MYL7: variants seen among roughly 807,000 people sequenced by gnomAD.
MYL7 encodes the protein myosin regulatory light chain 2, atrial isoform.
A neutral mutation model predicts 22.5 loss-of-function variants in MYL7; 27 were observed. That is an observed-to-expected ratio of 1.20 (90% CI 0.89 to 1.66). MYL7 has a LOEUF of 1.66. Ranked by LOEUF, MYL7 falls within the 40% of genes most tolerant of loss-of-function variation. The pLI is 0.00. For synonymous variants in MYL7, 81 were observed against 84.4 expected (o/e 0.96, Z 0.22); for missense variants, 209 against 226.8 (o/e 0.92, Z 0.50).
At chr7:44,139,731 C>A in intron 5 of MYL7, 51 bp downstream of exon 5, 1 of 1,604,978 alleles carries the variant, frequency 6.2e-7, no homozygotes, top group Non-Finnish European at 8.5e-7. Flanking sequence ...GGCCTCACCC[C>A]GCTCTCTGCT....
At position 44,139,808 on chromosome 7, in the gene MYL7, G is replaced by A. The variant is rs144625240; in HGVS notation, c.351C>T (p.Ser117=). Residue 117 remains serine (S), a synonymous_variant, in exon 5 of 7, where the codon AGC becomes AGT. Coordinates refer to ENST00000223364, the MANE Select transcript of MYL7 (RefSeq NM_021223.3). The part of the protein sequence containing the change: ...ILSAFRMFDP[S]GKGVVNKDEF... ...CATCCTTGTTCACCACCCCTTTGCC[G>A]CTGGGGTCAAACATGCGGAAGGCAC... The A allele has an allele frequency of 3.0e-5, 49 of 1,612,168 alleles. No homozygotes were observed. Among genetic ancestry groups the A allele is most frequent in the Non-Finnish European group, 3.6e-5 (43 of 1,179,618 alleles).
chr7:44,140,496 C>T, intron 3 of MYL7, 69 bp from the exon 4 acceptor site: 2 of 1,407,338 alleles, frequency 1.4e-6, no homozygotes, highest in Non-Finnish European at 2.0e-6. Context: ...AGGCCGCCCT[C>T]CCTCCATCCT....
chr7:44,139,104 C>CT (rs2096262071), intron 6 of MYL7, 82 bp from the exon 7 acceptor site: 1 of 1,034,322 alleles, frequency 9.7e-7, no homozygotes, highest in Non-Finnish European at 1.5e-6. Context: ...TGTGGCCTTT[C>CT]TGTCTGCCCC....
rs759279557 is a variant in MYL7 at position 44,138,916 on chromosome 7, G to GC, written c.*4dup. 4.3e-6 allele frequency: 7 copies of GC among 1,612,344 alleles called. No homozygotes were observed. The highest frequency in any genetic ancestry group is 5.9e-6 in the Non-Finnish European group (7 of 1,178,500). Reference sequence around the variant, plus strand: ...GGTGCCCCCCCGTGGGCCTGGCCCTGCCCCTCATTCCTCTTTCTCGTCTCC... The same window carrying GC: ...GGTGCCCCCCCGTGGGCCTGGCCCTGCCCCCTCATTCCTCTTTCTCGTCTCC... On this transcript the variant is annotated 3_prime_UTR_variant, in exon 7 of 7. Coordinates refer to ENST00000223364, the MANE Select transcript of MYL7 (RefSeq NM_021223.3).
chr7:44,140,810 T>C (rs757736790), intron 2 of MYL7, 23 bp from the exon 3 acceptor site: 2 of 1,583,352 alleles, frequency 1.3e-6, no homozygotes, highest in South Asian at 1.1e-5. Context: ...GGCCTTCAGG[T>C]GGGAGCAGCC....
At position 44,139,850 on chromosome 7, in the gene MYL7, G is replaced by C. The variant is rs762580390; in HGVS notation, c.309C>G (p.Pro103=). The C allele has an allele frequency of 6.2e-7, 1 of 1,608,614 alleles. No individual in the cohort carries two copies. The highest frequency in any genetic ancestry group is 1.3e-5 in the African/African-American group (1 of 74,568). ...LFGEKLNGTD[P]EEAILSAFRM... Reference sequence around the variant, plus strand: ...GGAAGGCACTCAGGATGGCTTCCTCGGGGTCTGTCCCTGGAAGGCCGAGGC... The same window carrying C: ...GGAAGGCACTCAGGATGGCTTCCTCCGGGTCTGTCCCTGGAAGGCCGAGGC... The change falls in exon 5 of 7, where the codon CCC becomes CCG. Residue 103 remains proline (P), a synonymous_variant. Coordinates refer to ENST00000223364, the MANE Select transcript of MYL7 (RefSeq NM_021223.3).
chr7:44,140,374 C>G lies in MYL7; in HGVS notation c.247G>C (p.Gly83Arg). The G allele has an allele frequency of 6.2e-7, 1 of 1,614,010 alleles. No homozygotes were observed. The highest frequency in any genetic ancestry group is 1.1e-5 in the South Asian group (1 of 91,076). Residue 83 changes from glycine (G) to arginine (R), a missense_variant, in exon 4 of 7, where the codon GGC (glycine) becomes CGC (arginine). Physicochemically the swap from Gly to Arg is moderately radical, Grantham distance 125. Transcript: ENST00000223364. The stretch of plus-strand genomic sequence containing the variant: ...AGGAAGACGGTGAAGTTGATGGGGC[C>G]CTTGCCCTCTTGCAGCATGGCGTCC... ...ELDAMLQEGKGPINFTVFLTL... is the reference protein window; with the variant it reads ...ELDAMLQEGKRPINFTVFLTL...
In MYL7 at chr7:44,139,812, G is replaced by A. The variant is rs779112540; in HGVS notation, c.347C>T (p.Pro116Leu). 1 of 1,612,366 alleles carries A rather than the reference G, an allele frequency of 6.2e-7. No homozygotes were observed. Among genetic ancestry groups the A allele is most frequent in the Non-Finnish European group, 8.5e-7 (1 of 1,179,632 alleles). ...CTTGTTCACCACCCCTTTGCCGCTG[G>A]GGTCAAACATGCGGAAGGCACTCAG... is the stretch of plus-strand genomic sequence containing the variant. ...AILSAFRMFDPSGKGVVNKDE... is the reference protein window; with the variant it reads ...AILSAFRMFDLSGKGVVNKDE... The change falls in exon 5 of 7, where the codon CCC becomes CTC. Residue 116 changes from proline to leucine, a missense_variant. By Grantham distance (98) the Pro-to-Leu change is moderately conservative. Transcript: ENST00000223364.
chr7:44,139,068 G>T, intron 6 of MYL7, 46 bp from the exon 7 acceptor site: 1 of 1,480,076 alleles, frequency 6.8e-7, no homozygotes. Flanking sequence ...TCCTGGCCCA[G>T]CCCGGCAGAG....
At position 44,140,813 on chromosome 7, in the gene MYL7, G is replaced by T. The variant is rs374397003; in HGVS notation, c.118-26C>A. On this transcript the variant is annotated intron_variant, in intron 2 of 6. Coordinates refer to ENST00000223364, the MANE Select transcript of MYL7 (RefSeq NM_021223.3). ...CTGTGGGATGGGGGCCTTCAGGTGG[G>T]AGCAGCCCCCAGCTCTAGGGAAGGT... 5 of 1,609,948 alleles carry T rather than the reference G, an allele frequency of 3.1e-6. No individual in the cohort carries two copies. In the African/African-American group the frequency reaches 5.4e-5, roughly 17 times the overall value.
chr7:44,139,008 G>A lies in MYL7; in HGVS notation c.441C>T (p.Phe147=), dbSNP rs549853546. ...KFSPAEVEQM[F]ALTPMDLAGN... ...CCGCCAGGTCCATGGGTGTCAGGGC[G>A]AACATCTGCTCCACCTGCAGGGGAC... is the stretch of plus-strand genomic sequence containing the variant. Residue 147 remains phenylalanine, a synonymous_variant, in exon 7 of 7, where the codon TTC becomes TTT. Transcript: ENST00000223364. 1.1e-5 allele frequency: 17 copies of A among 1,614,012 alleles called. No homozygotes were observed. Among genetic ancestry groups the A allele is most frequent in the Admixed American group, 8.3e-5 (5 of 60,018 alleles).
rs1260484615 is a variant in MYL7 at position 44,140,724 on chromosome 7, A to C, written c.181T>G (p.Tyr61Asp). 6.2e-7 allele frequency: 1 copy of C among 1,609,230 alleles called. No homozygotes were observed. Among genetic ancestry groups the C allele is most frequent in the Admixed American group, 1.7e-5 (1 of 59,590 alleles). ...IICKADLRET[Y>D]SQLGKVSVPE... is the part of the protein sequence containing the mutation. The stretch of plus-strand genomic sequence containing the variant: ...TGGGTGCACGCACCCAGCTGGGAGT[A>C]GGTCTCCCTCAGGTCTGCCTTGCAG... The change falls in exon 3 of 7, where the codon TAC (tyrosine) becomes GAC (aspartate). Residue 61 changes from tyrosine (Y) to aspartate (D), a missense_variant. Transcript: ENST00000223364.
chr7:44,140,518 C>G, intron 3 of MYL7, 91 bp from the exon 4 acceptor site: 1 of 1,277,646 alleles, frequency 7.8e-7, no homozygotes, highest in Non-Finnish European at 1.1e-6. Flanking sequence ...GCCACAGGGG[C>G]TGGAGGGGCA....
In MYL7 at chr7:44,139,018, T is replaced by G. The variant is rs2096261965; in HGVS notation, c.431A>C (p.Glu144Ala). Residue 144 changes from glutamate (E) to alanine (A), a missense_variant, in exon 7 of 7, where the codon GAG (glutamate) becomes GCG (alanine). Transcript: ENST00000223364. ...QADKFSPAEV[E>A]QMFALTPMDL... ...CATGGGTGTCAGGGCGAACATCTGCTCCACCTGCAGGGGACACTGGTGAGT... is the reference window on the plus strand; with the variant it reads ...CATGGGTGTCAGGGCGAACATCTGCGCCACCTGCAGGGGACACTGGTGAGT... The G allele has an allele frequency of 6.2e-7, 1 of 1,613,892 alleles. No homozygotes were observed. The highest frequency in any genetic ancestry group is 8.5e-7 in the Non-Finnish European group (1 of 1,179,814).
In MYL7 at chr7:44,140,733, T is replaced by C. The variant is rs1485350367; in HGVS notation, c.172A>G (p.Arg58Gly). The change falls in exon 3 of 7, where the codon AGG (arginine) becomes GGG (glycine). Residue 58 changes from arginine (R) to glycine (G), a missense_variant. Physicochemically the swap from Arg to Gly is moderately radical, Grantham distance 125. Transcript: ENST00000223364. ...RDGIICKADLRETYSQLGKVS... is the reference protein window; with the variant it reads ...RDGIICKADLGETYSQLGKVS... Reference sequence around the variant, plus strand: ...GCACCCAGCTGGGAGTAGGTCTCCCTCAGGTCTGCCTTGCAGATGATGCCA... The same window carrying C: ...GCACCCAGCTGGGAGTAGGTCTCCCCCAGGTCTGCCTTGCAGATGATGCCA... 6.2e-7 allele frequency: 1 copy of C among 1,611,306 alleles called. No individual in the cohort carries two copies. Among genetic ancestry groups the C allele is most frequent in the Admixed American group, 1.7e-5 (1 of 59,782 alleles).
At chr7:44,140,690 G>A in intron 3 of MYL7, 22 bp downstream of exon 3, 2 of 1,586,066 alleles carry the variant, frequency 1.3e-6, no homozygotes, top group Middle Eastern at 1.7e-4. Context: ...CAGTGCGCAG[G>A]GTGGGAGGTG....
rs1327728408 is a variant in MYL7, at chr7:44,139,563, C to G, written c.384G>C (p.Lys128Asn). The G allele has an allele frequency of 6.2e-7, 1 of 1,607,796 alleles. No homozygotes were observed. The highest frequency in any genetic ancestry group is 1.1e-5 in the South Asian group (1 of 90,110). The change falls in exon 6 of 7, where the codon AAG (lysine) becomes AAC (asparagine). Residue 128 changes from lysine to asparagine, a missense_variant. Physicochemically the swap from Lys to Asn is moderately conservative, Grantham distance 94. Coordinates refer to ENST00000223364, the MANE Select transcript of MYL7 (RefSeq NM_021223.3). Reference protein sequence around the residue: ...GKGVVNKDEFKQLLLTQADKF... With the variant: ...GKGVVNKDEFNQLLLTQADKF... ...TGTCTGCCTGGGTCAGGAGAAGCTG[C>G]TTGAACCTGGGGGGTGAGGAGGGTC... is the stretch of plus-strand genomic sequence containing the variant.
At chr7:44,139,052 C>T (rs1376438944) in intron 6 of MYL7, 30 bp from the exon 7 acceptor site, 1 of 1,573,374 alleles carries the variant, frequency 6.4e-7, no homozygotes, top group Non-Finnish European at 8.7e-7. Flanking sequence ...GTGGCAGTCC[C>T]CTGGCTCCTG....
In MYL7 at chr7:44,141,020, G is replaced by A. The variant is rs768608560; in HGVS notation, c.58C>T (p.Arg20Cys). 8 of 1,613,994 alleles carry A rather than the reference G, an allele frequency of 5.0e-6. No homozygotes were observed. The highest frequency in any genetic ancestry group is 3.3e-5 in the South Asian group (3 of 91,088). ...GKVAATKQAQ[R>C]GSSNVFSMFE... ...ATGGAAAAGACGTTGGAAGAACCAC[G>A]TTGGGCCTGCTTGGTGGCTGCCACC... Residue 20 changes from arginine (R) to cysteine (C), a missense_variant, in exon 2 of 7, where the codon CGT becomes TGT. Arg to Cys is a radical substitution (Grantham distance 180). Coordinates refer to ENST00000223364, the MANE Select transcript of MYL7 (RefSeq NM_021223.3).
Sources: gnomAD v4.1 joint callset for allele counts on GRCh38, gnomAD v4.1.1 for gene constraint, MANE v1.5 for transcripts, NCBI Gene and HGNC (gene_info 2026-07-23, HGNC 2026-07-21) for gene names.